INPP4B: variants seen among roughly 807,000 people sequenced by gnomAD.
The protein encoded by INPP4B is inositol polyphosphate 4-phosphatase type II.
Under a neutral mutation model 122.5 loss-of-function variants are expected in INPP4B, and 55 were observed. The ratio of observed to expected loss-of-function variants is 0.45; its 90% CI spans 0.36 to 0.56. The LOEUF (loss-of-function observed/expected upper bound fraction) is 0.56, where lower values mean the gene tolerates loss of function less well. Among genes scored for constraint, INPP4B ranks in the 20% least tolerant of loss-of-function variants. The probability of loss-of-function intolerance (pLI) is 0.00; values close to 1 mark genes in which losing one functional copy is unlikely to be tolerated. For synonymous variants in INPP4B, 403 were observed against 388.7 expected (o/e 1.04, Z -0.43); for missense variants, 1,000 against 1,097.7 (o/e 0.91, Z 1.26).
chr4:142,331,973 C>T (rs1774699730), intron 7 of INPP4B, among the ~76,000 whole-genome samples: 1 of 152,124 alleles, frequency 6.6e-6, no homozygotes, highest in South Asian at 2.1e-4. Context: ...CATAAATAGG[C>T]TCATAACCAG....
intron 3 of INPP4B, among the ~76,000 whole-genome samples, chr4:142,452,834 T>C (rs963029604): frequency 3.3e-5 from 5 of 152,170 alleles, no homozygotes; most frequent in African/African-American, 1.2e-4. Context: ...GGATTTTGCC[T>C]ACTTAACAAA....
rs79512345 is a variant in INPP4B at position 142,832,844 on chromosome 4, G to A, written c.-254+13365C>T. Among the ~76,000 whole-genome samples the A allele has an allele frequency of 5.9e-3, 900 of 151,462 alleles. 7 individuals carry two copies. The highest frequency in any genetic ancestry group is 0.021 in the African/African-American group (860 of 40,928). On this transcript the variant is annotated intron_variant, in intron 1 of 25. Coordinates refer to ENST00000262992, the MANE Select transcript of INPP4B (RefSeq NM_001101669.3). ...GGATTTTTAAATTTCACAAAAGAAT[G>A]TCAAGTCTACCAATCATTTTTAAGT...
Position 142,374,467 on chromosome 4 carries a change from G to T in INPP4B, c.372+28471C>A, listed in dbSNP as rs188428451. Among the ~76,000 whole-genome samples the T allele has an allele frequency of 2.4e-3, 360 of 152,014 alleles. 1 individual carries two copies. The highest frequency in any genetic ancestry group is 4.1e-3 in the Non-Finnish European group (275 of 67,892). On this transcript the variant is annotated intron_variant, in intron 7 of 25. Coordinates refer to ENST00000262992, the MANE Select transcript of INPP4B (RefSeq NM_001101669.3). ...TTTTTAGAAGGGGAGAAGTGGGAGAGAGCTTTCCATATTGCAAATTTTTGA... is the reference window on the plus strand; with the variant it reads ...TTTTTAGAAGGGGAGAAGTGGGAGATAGCTTTCCATATTGCAAATTTTTGA...
intron 2 of INPP4B, among the ~76,000 whole-genome samples, chr4:142,528,709 C>T (rs1827228973): frequency 6.6e-6 from 1 of 152,086 alleles, no homozygotes; most frequent in Non-Finnish European, 1.5e-5. Flanking sequence ...CCACAATAGT[C>T]ATCTCTAAGC....
intron 23 of INPP4B, among the ~76,000 whole-genome samples, chr4:142,094,928 A>G (rs1781193770): frequency 6.6e-6 from 1 of 152,210 alleles, no homozygotes; most frequent in South Asian, 2.1e-4. Flanking sequence ...AGGCTCCAAA[A>G]TGAGGAAAGA....
intron 7 of INPP4B, among the ~76,000 whole-genome samples, chr4:142,345,605 T>C (rs724131): frequency 0.31 from 47,562 of 151,856 alleles, 8,635 homozygotes; most frequent in South Asian, 0.45. Flanking sequence ...ACATGGATTA[T>C]AGCACATTAA....
chr4:142,564,451 A>AAAAAAG (rs1179574438), intron 2 of INPP4B, among the ~76,000 whole-genome samples: 61 of 131,690 alleles, frequency 4.6e-4, no homozygotes, highest in African/African-American at 1.7e-3. Context: ...AAAAAAAAAA[A>AAAAAAG]AAAGAAAGAA....
chr4:142,468,202 G>C (rs1000971631), intron 2 of INPP4B: 30 of 152,114 alleles, frequency 2.0e-4, no homozygotes, highest in African/African-American at 7.2e-4. Flanking sequence ...CAGGATCCTG[G>C]TGTGATGGGG....
chr4:142,561,019 C>T (rs981781612), intron 2 of INPP4B, among the ~76,000 whole-genome samples: 5 of 152,140 alleles, frequency 3.3e-5, no homozygotes, highest in African/African-American at 1.2e-4. Context: ...GTTTTTTCCA[C>T]AGGGAATTAC....
chr4:142,836,255 A>G (rs1162208361), intron 1 of INPP4B, among the ~76,000 whole-genome samples: 1 of 152,182 alleles, frequency 6.6e-6, no homozygotes, highest in Non-Finnish European at 1.5e-5. Flanking sequence ...ATCAGTGAGA[A>G]TGTCTTAAAA....
At chr4:142,263,536 A>G (rs934237819) in intron 10 of INPP4B, among the ~76,000 whole-genome samples, 3 of 150,520 alleles carry the variant, frequency 2.0e-5, no homozygotes, top group Non-Finnish European at 4.4e-5. Flanking sequence ...AGACTGTTTC[A>G]GGCACTGGGG....
At chr4:142,288,829 A>G (rs1055120633) in intron 9 of INPP4B, among the ~76,000 whole-genome samples, 1 of 152,166 alleles carries the variant, frequency 6.6e-6, no homozygotes, top group African/African-American at 2.4e-5. Flanking sequence ...CTTATGAGAT[A>G]TTTTGAAGCT....
chr4:142,352,728 A>G (rs1782321067), intron 7 of INPP4B, among the ~76,000 whole-genome samples: 2 of 151,974 alleles, frequency 1.3e-5, no homozygotes, highest in Non-Finnish European at 2.9e-5. Context: ...GAAAGTGTAA[A>G]CACTCATTCT....
At chr4:142,483,418 A>G (rs1820824571) in intron 2 of INPP4B, among the ~76,000 whole-genome samples, 4 of 151,992 alleles carry the variant, frequency 2.6e-5, no homozygotes, top group African/African-American at 7.2e-5. Context: ...AGCTCCCCCG[A>G]ACTCTCTGTG....
At chr4:142,512,097 A>G (rs1239284827) in intron 2 of INPP4B, among the ~76,000 whole-genome samples, 1 of 152,194 alleles carries the variant, frequency 6.6e-6, no homozygotes, top group East Asian at 1.9e-4. Context: ...TCATTGCTCA[A>G]TCTTAGTTAC....
intron 2 of INPP4B, among the ~76,000 whole-genome samples, chr4:142,647,087 G>C (rs982288876): frequency 5.9e-5 from 9 of 152,116 alleles, no homozygotes; most frequent in Non-Finnish European, 1.2e-4. Flanking sequence ...TTTCCATAAA[G>C]AGAAGTTAAT....
intron 17 of INPP4B, among the ~76,000 whole-genome samples, chr4:142,150,003 G>A (rs1812944370): frequency 6.6e-6 from 1 of 152,132 alleles, no homozygotes; most frequent in Non-Finnish European, 1.5e-5. Context: ...ATTTTTAAAG[G>A]GAAGCATTGA....
intron 16 of INPP4B, among the ~76,000 whole-genome samples, chr4:142,168,856 A>C (rs1446626386): frequency 1.3e-5 from 2 of 151,638 alleles, no homozygotes; most frequent in East Asian, 3.9e-4. Context: ...TTGGCCTCCC[A>C]AACTCTAATC....
intron 2 of INPP4B, among the ~76,000 whole-genome samples, chr4:142,512,238 C>T (rs1411386850): frequency 1.3e-5 from 2 of 152,042 alleles, no homozygotes; most frequent in African/African-American, 2.4e-5. Flanking sequence ...TAGCTAAGTA[C>T]CTTTTAGGTA....
Sources: allele counts gnomAD v4.1 joint callset (sites outside exome capture counted in the v4.1 genomes callset), GRCh38; gene constraint gnomAD v4.1.1; transcripts MANE v1.5; gene names NCBI Gene and HGNC (gene_info 2026-07-23, HGNC 2026-07-21).